SGCD: variants seen among roughly 807,000 people sequenced by gnomAD.
The protein encoded by SGCD is delta-sarcoglycan.
SGCD carries 18 observed loss-of-function variants against 36.6 expected under a neutral mutation model. The ratio of observed to expected loss-of-function variants is 0.49; its 90% CI spans 0.34 to 0.73. SGCD has a LOEUF of 0.73. Ranked by LOEUF, SGCD falls within the 30% of genes least tolerant of loss-of-function variation. The probability of loss-of-function intolerance (pLI) is 0.01; values close to 1 mark genes in which losing one functional copy is unlikely to be tolerated. For missense variants in SGCD, 387 were observed against 346.7 expected (o/e 1.12, Z -0.92); for synonymous variants, 133 against 130.6 (o/e 1.02, Z -0.12).
intron 2 of SGCD, among the ~76,000 whole-genome samples, chr5:156,121,643 AAAGG>A (rs1388410513): frequency 2.6e-5 from 4 of 152,154 alleles, no homozygotes; most frequent in Non-Finnish European, 4.4e-5. Context: ...TACCCCAGGG[AAAGG>A]AAGGGACAAC....
intron 4 of SGCD, among the ~76,000 whole-genome samples, chr5:156,547,516 C>T (rs13361828): frequency 0.011 from 1,697 of 151,528 alleles, 36 homozygotes; most frequent in African/African-American, 0.04. Context: ...GATCCCTGCT[C>T]ACTGCGAGCT....
chr5:156,427,060 T>C (rs1244206920), intron 3 of SGCD, among the ~76,000 whole-genome samples: 1 of 152,156 alleles, frequency 6.6e-6, no homozygotes, highest in Non-Finnish European at 1.5e-5. Flanking sequence ...TTTAGGATTC[T>C]TTTTTCTGGT....
chr5:156,640,963 G>A (rs1192405256), intron 6 of SGCD, among the ~76,000 whole-genome samples: 1 of 152,156 alleles, frequency 6.6e-6, no homozygotes, highest in Non-Finnish European at 1.5e-5. Context: ...TCATGTCTGG[G>A]AAGATTTTCA....
rs568440852 is a variant in SGCD, at chr5:156,666,775, A to G, written c.575+19239A>G. On this transcript the variant is annotated intron_variant, in intron 7 of 8. Coordinates refer to ENST00000337851, the MANE Select transcript of SGCD (RefSeq NM_000337.6). ...TGGGGGTAAGGTCATAGATTAACAG[A>G]ATCTCAAGGCAGAAGAATTTTTCTT... Among the ~76,000 whole-genome samples, 6 of 152,122 alleles carry G rather than the reference A, an allele frequency of 3.9e-5. No homozygotes were observed. The South Asian group carries it at 1.2e-3, about 32-fold the overall frequency.
At chr5:156,204,281 A>G (rs10515735) in intron 3 of SGCD, among the ~76,000 whole-genome samples, 7,539 of 152,124 alleles carry the variant, frequency 0.05, 424 homozygotes, top group African/African-American at 0.14. Context: ...TAGTAAGAAT[A>G]ATACTCCAAA....
At chr5:156,180,284 G>T (rs1433705013) in intron 3 of SGCD, among the ~76,000 whole-genome samples, 2 of 152,068 alleles carry the variant, frequency 1.3e-5, no homozygotes, top group African/African-American at 4.8e-5. Context: ...ACTATTAAAA[G>T]CTTTTACTCT....
chr5:156,146,537 C>T (rs1032588866), intron 3 of SGCD, among the ~76,000 whole-genome samples: 1 of 152,106 alleles, frequency 6.6e-6, no homozygotes, highest in African/African-American at 2.4e-5. Context: ...TGAAACAAGA[C>T]AAAGGTTTAG....
chr5:156,367,703 T>C (rs1770177994), intron 3 of SGCD, among the ~76,000 whole-genome samples: 1 of 152,232 alleles, frequency 6.6e-6, no homozygotes, highest in East Asian at 1.9e-4. Context: ...CCCTGTGGAA[T>C]GGTCCTAACC....
chr5:156,609,361 T>C (rs1761661977), intron 6 of SGCD, among the ~76,000 whole-genome samples: 1 of 152,204 alleles, frequency 6.6e-6, no homozygotes, highest in African/African-American at 2.4e-5. Context: ...TTAAGAATGT[T>C]GAATATTGGC....
chr5:156,552,446 T>G (rs1318003730), intron 4 of SGCD, among the ~76,000 whole-genome samples: 1 of 152,176 alleles, frequency 6.6e-6, no homozygotes, highest in African/African-American at 2.4e-5. Flanking sequence ...CCTTCCCTAG[T>G]GGGATCTAAC....
intron 4 of SGCD, among the ~76,000 whole-genome samples, chr5:156,569,064 T>C (rs1759613342): frequency 6.6e-6 from 1 of 150,922 alleles, no homozygotes; most frequent in South Asian, 2.1e-4. Flanking sequence ...GTGCTCTTAC[T>C]GTAGTGGGTA....
At chr5:155,927,012 C>T (rs997830041) in intron 1 of SGCD, among the ~76,000 whole-genome samples, 1 of 152,084 alleles carries the variant, frequency 6.6e-6, no homozygotes, top group Admixed American at 6.6e-5. Context: ...TGCTAGATGT[C>T]CTACAATCAC....
At chr5:156,740,005 C>T (rs1190406989) in intron 7 of SGCD, among the ~76,000 whole-genome samples, 3 of 152,204 alleles carry the variant, frequency 2.0e-5, no homozygotes, top group Non-Finnish European at 4.4e-5. Flanking sequence ...AACCCTAGGC[C>T]TCTGCAGTTC....
At position 156,724,332 on chromosome 5, in the gene SGCD, T is replaced by G. The variant is rs1036721781; in HGVS notation, c.576-33249T>G. On this transcript the variant is annotated intron_variant, in intron 7 of 8. Transcript: ENST00000337851. ...GAAAATATAACTAGATACCCGGGCG[T>G]GGTGGCTCACGCCTGTAATCCCAGC... is the stretch of plus-strand genomic sequence containing the variant. 2.0e-5 allele frequency among the ~76,000 whole-genome samples: 3 copies of G among 152,042 alleles called. No homozygotes were observed. The East Asian group carries it at 5.8e-4, about 29-fold the overall frequency.
chr5:156,029,472 G>A (rs979446633), intron 1 of SGCD, among the ~76,000 whole-genome samples: 1 of 152,136 alleles, frequency 6.6e-6, no homozygotes, highest in African/African-American at 2.4e-5. Context: ...TGGAGATACT[G>A]TAGTAACCAA....
At chr5:156,609,992 T>C (rs566911063) in intron 6 of SGCD, among the ~76,000 whole-genome samples, 1 of 152,338 alleles carries the variant, frequency 6.6e-6, no homozygotes, top group Admixed American at 6.5e-5. Flanking sequence ...GGGTTCCAAC[T>C]TCCTGCTTTA....
At chr5:156,624,388 T>C (rs1277333124) in intron 6 of SGCD, among the ~76,000 whole-genome samples, 14 of 152,162 alleles carry the variant, frequency 9.2e-5, no homozygotes, top group Non-Finnish European at 1.9e-4. Context: ...GAGACCATCC[T>C]GACTAACACG....
chr5:156,289,432 T>C (rs2127677090), intron 3 of SGCD, among the ~76,000 whole-genome samples: 1 of 151,960 alleles, frequency 6.6e-6, no homozygotes, highest in South Asian at 2.1e-4. Context: ...CCGTATGCAT[T>C]AGCTATTTAT....
At chr5:155,850,725 C>T in the SGCD span, among the ~76,000 whole-genome samples, 2 of 152,158 alleles carry the variant, frequency 1.3e-5, no homozygotes, top group Admixed American at 6.5e-5. Context: ...TGCTTTGCTC[C>T]TTGTCTTTCC....
Sources: gnomAD v4.1 joint callset for allele counts (sites outside exome capture counted in the v4.1 genomes callset) on GRCh38, gnomAD v4.1.1 for gene constraint, MANE v1.5 for transcripts, NCBI Gene and HGNC (gene_info 2026-07-23, HGNC 2026-07-21) for gene names.